SLC24A2: variants seen among roughly 807,000 people sequenced by gnomAD.
SLC24A2 encodes sodium/potassium/calcium exchanger 2.
Under a neutral mutation model 62.0 loss-of-function variants are expected in SLC24A2, and 36 were observed. That is an observed-to-expected ratio of 0.58 (90% CI 0.44 to 0.77). The LOEUF (loss-of-function observed/expected upper bound fraction) is 0.77, where lower values mean the gene tolerates loss of function less well. Among genes scored for constraint, SLC24A2 ranks in the 30% least tolerant of loss-of-function variants. The pLI is 0.00. For synonymous variants in SLC24A2, 358 were observed against 294.0 expected (o/e 1.22, Z -2.23); for missense variants, 846 against 817.9 (o/e 1.03, Z -0.42).
intron 2 of SLC24A2, among the ~76,000 whole-genome samples, chr9:19,676,729 G>A (rs72702441): frequency 0.024 from 3,700 of 152,168 alleles, 74 homozygotes; most frequent in Non-Finnish European, 0.041. Flanking sequence ...CATAAAAAAC[G>A]GATACAATTT....
At chr9:19,621,923 C>T (rs910844658) in intron 3 of SLC24A2, among the ~76,000 whole-genome samples, 3 of 152,106 alleles carry the variant, frequency 2.0e-5, no homozygotes, top group Non-Finnish European at 4.4e-5. Context: ...AAATATTGAG[C>T]ATTAGATCCC....
the SLC24A2 span, among the ~76,000 whole-genome samples, chr9:20,108,272 T>C: frequency 1.3e-5 from 2 of 152,086 alleles, no homozygotes. Context: ...AGTTCAACCA[T>C]TGTGGAAGTC....
At chr9:19,843,556 A>G in the SLC24A2 span, among the ~76,000 whole-genome samples, 1 of 152,154 alleles carries the variant, frequency 6.6e-6, no homozygotes, top group Non-Finnish European at 1.5e-5. Context: ...CAGGGGGTCC[A>G]TGTGCATATT....
At chr9:19,888,073 A>G in the SLC24A2 span, among the ~76,000 whole-genome samples, 1 of 152,178 alleles carries the variant, frequency 6.6e-6, no homozygotes, top group African/African-American at 2.4e-5. Flanking sequence ...AATAACCACT[A>G]AAGAACTTAT....
At chr9:19,667,356 C>T (rs958047386) in intron 2 of SLC24A2, among the ~76,000 whole-genome samples, 1 of 152,204 alleles carries the variant, frequency 6.6e-6, no homozygotes, top group Admixed American at 6.5e-5. Flanking sequence ...CATTTCCTAT[C>T]TTGGTTAATG....
the SLC24A2 span, among the ~76,000 whole-genome samples, chr9:20,166,652 C>A: frequency 2.6e-5 from 4 of 151,882 alleles, no homozygotes; most frequent in Admixed American, 2.0e-4. Flanking sequence ...GAAAATAGTA[C>A]AATTGGTTAC....
At chr9:20,149,116 T>A in the SLC24A2 span, among the ~76,000 whole-genome samples, 10 of 152,004 alleles carry the variant, frequency 6.6e-5, no homozygotes, top group African/African-American at 2.2e-4. Context: ...CTGAGCAGAT[T>A]TGTATAACAA....
chr9:19,892,112 T>C, the SLC24A2 span, among the ~76,000 whole-genome samples: 2 of 152,192 alleles, frequency 1.3e-5, no homozygotes, highest in African/African-American at 4.8e-5. Flanking sequence ...TATGACTAAC[T>C]AGTTGTACTT....
chr9:19,539,276 A>G (rs1488307693), intron 8 of SLC24A2, among the ~76,000 whole-genome samples: 1 of 72,826 alleles, frequency 1.4e-5, no homozygotes, highest in Admixed American at 1.7e-4. Context: ...TTGCTTTTCT[A>G]GTTCTTTTAA....
chr9:20,025,943 C>G, the SLC24A2 span, among the ~76,000 whole-genome samples: 1 of 152,254 alleles, frequency 6.6e-6, no homozygotes, highest in East Asian at 1.9e-4. Flanking sequence ...ATAAAAGACA[C>G]TGTGCCATCC....
At chr9:20,139,925 G>A in the SLC24A2 span, among the ~76,000 whole-genome samples, 1 of 152,210 alleles carries the variant, frequency 6.6e-6, no homozygotes, top group Non-Finnish European at 1.5e-5. Context: ...CCCAGCTAAG[G>A]AGCCCCTTTT....
At chr9:19,541,556 T>C (rs1291446690) in intron 8 of SLC24A2, among the ~76,000 whole-genome samples, 5 of 148,068 alleles carry the variant, frequency 3.4e-5, no homozygotes, top group South Asian at 2.2e-4. Flanking sequence ...GGAGGCAGTC[T>C]GCCCGTTCTC....
the SLC24A2 span, among the ~76,000 whole-genome samples, chr9:19,809,877 C>T: frequency 6.6e-6 from 1 of 152,096 alleles, no homozygotes; most frequent in East Asian, 1.9e-4. Context: ...AGCTGTTTTA[C>T]TTTCTCTTTT....
At chr9:19,959,035 G>C in the SLC24A2 span, among the ~76,000 whole-genome samples, 2 of 151,510 alleles carry the variant, frequency 1.3e-5, no homozygotes, top group Non-Finnish European at 2.9e-5. Flanking sequence ...CAGTGTTCTG[G>C]TGTTCTATGG....
chr9:19,725,005 C>T (rs1793928995), intron 2 of SLC24A2, among the ~76,000 whole-genome samples: 1 of 152,164 alleles, frequency 6.6e-6, no homozygotes, highest in Non-Finnish European at 1.5e-5. Context: ...CAAAACCTTT[C>T]CAGCGCTGGT....
the SLC24A2 span, among the ~76,000 whole-genome samples, chr9:20,301,760 G>C: frequency 1.3e-5 from 2 of 151,948 alleles, no homozygotes; most frequent in Non-Finnish European, 1.5e-5. Flanking sequence ...ATCACTCAAA[G>C]TCCATGGTTT....
the SLC24A2 span, among the ~76,000 whole-genome samples, chr9:20,104,665 C>T: frequency 2.0e-5 from 3 of 152,048 alleles, no homozygotes; most frequent in African/African-American, 7.2e-5. Flanking sequence ...ATTTTGTCAC[C>T]ACCAGGCCTG....
chr9:19,649,102 G>A (rs1172426768), intron 2 of SLC24A2, among the ~76,000 whole-genome samples: 3 of 150,828 alleles, frequency 2.0e-5, no homozygotes, highest in Non-Finnish European at 4.4e-5. Context: ...TCAAGGATCA[G>A]TCAGACCAAT....
chr9:20,175,714 A>G, the SLC24A2 span, among the ~76,000 whole-genome samples: 1 of 152,098 alleles, frequency 6.6e-6, no homozygotes. Context: ...GAAGACTCTC[A>G]GTTTTGAAAT....
Sources: gnomAD v4.1 joint callset for allele counts (sites outside exome capture counted in the v4.1 genomes callset) on GRCh38, gnomAD v4.1.1 for gene constraint, MANE v1.5 for transcripts, NCBI Gene and HGNC (gene_info 2026-07-23, HGNC 2026-07-21) for gene names.